Variants in IGF1R observed in about 807,000 individuals in gnomAD.
IGF1R encodes the protein insulin-like growth factor 1 receptor.
IGF1R carries 44 observed loss-of-function variants against 144.6 expected under a neutral mutation model. The ratio of observed to expected loss-of-function variants is 0.30; its 90% CI spans 0.24 to 0.39. The LOEUF (loss-of-function observed/expected upper bound fraction) is 0.39, where lower values mean the gene tolerates loss of function less well. IGF1R is among the 10% of genes least tolerant of loss of function. The probability of loss-of-function intolerance (pLI) is 1.00; values close to 1 mark genes in which losing one functional copy is unlikely to be tolerated. For synonymous variants in IGF1R, 795 were observed against 722.8 expected, an observed-to-expected ratio of 1.10 and a Z score of -1.60; for missense variants, 1,355 against 1,833.7, an observed-to-expected ratio of 0.74 and a Z score of 4.77.
intron 2 of IGF1R, among the ~76,000 whole-genome samples, chr15:98,809,978 C>T (rs955871159): frequency 6.6e-6 from 1 of 152,164 alleles, no homozygotes; most frequent in Non-Finnish European, 1.5e-5. Flanking sequence ...AGCAAACTGA[C>T]CCAGACAGAC....
At chr15:98,868,380 G>GT (rs1491280198) in intron 2 of IGF1R, among the ~76,000 whole-genome samples, 2 of 116,466 alleles carry the variant, frequency 1.7e-5, no homozygotes, top group Non-Finnish European at 3.6e-5. Flanking sequence ...TGGGGGGGGG[G>GT]TCCTTTAGAA....
intron 2 of IGF1R, among the ~76,000 whole-genome samples, chr15:98,828,160 A>G (rs1394022546): frequency 2.0e-5 from 3 of 152,206 alleles, no homozygotes; most frequent in African/African-American, 7.2e-5. Flanking sequence ...AAGACTGCCC[A>G]GTTTGCTTAG....
At chr15:98,868,786 C>T (rs1017069262) in intron 2 of IGF1R, among the ~76,000 whole-genome samples, 1 of 152,164 alleles carries the variant, frequency 6.6e-6, no homozygotes, top group Non-Finnish European at 1.5e-5. Flanking sequence ...GCGCTTAGCA[C>T]GGGTAGCAGT....
Position 98,891,930 on chromosome 15 carries a change from T to C in IGF1R, c.953+293T>C, listed in dbSNP as rs28376778. On this transcript the variant is annotated intron_variant, in intron 3 of 20. Coordinates refer to ENST00000650285, the MANE Select transcript of IGF1R (RefSeq NM_000875.5). The surrounding 1 kb of genome is among the most constrained non-coding windows in gnomAD (Gnocchi z 4.7). ...TTCGATACCCAGAGTTCATAGTCTC[T>C]CTGGGTACTTGCCAAGCTGCCATCT... Among the ~76,000 whole-genome samples, 6,768 of 152,280 alleles carry C rather than the reference T, an allele frequency of 0.044. 480 individuals carry two copies. Among genetic ancestry groups the C allele is most frequent in the African/African-American group, 0.15 (6,386 of 41,528 alleles).
intron 2 of IGF1R, among the ~76,000 whole-genome samples, chr15:98,861,165 T>C (rs1466043634): frequency 6.6e-6 from 1 of 152,106 alleles, no homozygotes. Context: ...AACTCAGTAG[T>C]GAAAAAACAA....
At chr15:98,807,000 A>T (rs2056486327) in intron 2 of IGF1R, among the ~76,000 whole-genome samples, 1 of 151,994 alleles carries the variant, frequency 6.6e-6, no homozygotes, top group African/African-American at 2.4e-5. Context: ...GTCTCAAAAG[A>T]AAAAAAAGAA....
At chr15:98,664,435 T>C (rs2141183005) in intron 1 of IGF1R, among the ~76,000 whole-genome samples, 1 of 152,006 alleles carries the variant, frequency 6.6e-6, no homozygotes, top group Admixed American at 6.6e-5. Flanking sequence ...GAGGCCGAGG[T>C]GAGCGGATCA....
intron 2 of IGF1R, among the ~76,000 whole-genome samples, chr15:98,771,720 G>T (rs1353933874): frequency 7.6e-6 from 1 of 131,224 alleles, no homozygotes; most frequent in African/African-American, 2.7e-5. Flanking sequence ...ACATTTTCAT[G>T]TTCAAATGAA....
intron 2 of IGF1R, among the ~76,000 whole-genome samples, chr15:98,858,648 C>T (rs1219565102): frequency 1.3e-5 from 2 of 152,210 alleles, no homozygotes; most frequent in Non-Finnish European, 2.9e-5. Flanking sequence ...ACAGACTCCA[C>T]CTTTCAGGAT....
At position 98,685,751 on chromosome 15, in the gene IGF1R, G is replaced by A. The variant is rs150518947; in HGVS notation, c.95-21811G>A. On this transcript the variant is annotated intron_variant, in intron 1 of 20. Coordinates refer to ENST00000650285, the MANE Select transcript of IGF1R (RefSeq NM_000875.5). ...TTCCAGTATTCAGGTCTAGCGGCAG[G>A]TCCCAGGCATCAGCGGCTCACCACT... 1.4e-3 allele frequency among the ~76,000 whole-genome samples: 219 copies of A among 152,306 alleles called. 1 individual carries two copies. Among genetic ancestry groups the A allele is most frequent in the African/African-American group, 5.1e-3 (210 of 41,546 alleles).
chr15:98,688,086 C>T (rs549062193), intron 1 of IGF1R, among the ~76,000 whole-genome samples: 12 of 152,182 alleles, frequency 7.9e-5, no homozygotes, highest in African/African-American at 2.9e-4. Flanking sequence ...TGATTGAGGC[C>T]CCCTGCCTGC....
intron 1 of IGF1R, among the ~76,000 whole-genome samples, chr15:98,684,734 CTG>C (rs752961756): frequency 3.3e-5 from 5 of 152,034 alleles, no homozygotes; most frequent in Admixed American, 2.0e-4. Flanking sequence ...CATCGGGAGA[CTG>C]TGTGCTGAGA....
chr15:98,675,330 T>A (rs991270827), intron 1 of IGF1R, among the ~76,000 whole-genome samples: 1 of 152,166 alleles, frequency 6.6e-6, no homozygotes, highest in East Asian at 1.9e-4. Context: ...GTGATAAAAT[T>A]ATTGTGTATT....
In IGF1R at chr15:98,747,431, G is replaced by A. The variant is rs563392963; in HGVS notation, c.640+39324G>A. On this transcript the variant is annotated intron_variant, in intron 2 of 20. Coordinates refer to ENST00000650285, the MANE Select transcript of IGF1R (RefSeq NM_000875.5). The stretch of plus-strand genomic sequence containing the variant: ...CTGGCTGGTCTCGAACTCCTGACCT[G>A]GTGATCCGCCCGCCTCGGCCTCCCA... Among the ~76,000 whole-genome samples, 37 of 152,170 alleles carry A rather than the reference G, an allele frequency of 2.4e-4. No individual in the cohort carries two copies. In the South Asian group the frequency reaches 7.1e-3, roughly 29 times the overall value.
chr15:98,695,425 T>TA (rs1332443246), intron 1 of IGF1R, among the ~76,000 whole-genome samples: 1 of 152,178 alleles, frequency 6.6e-6, no homozygotes, highest in East Asian at 1.9e-4. Flanking sequence ...CACCTGGCTG[T>TA]AGCATCCTTG....
intron 2 of IGF1R, among the ~76,000 whole-genome samples, chr15:98,859,628 A>G (rs1437320960): frequency 6.6e-6 from 1 of 152,224 alleles, no homozygotes; most frequent in Non-Finnish European, 1.5e-5. Flanking sequence ...GGTTTTTGCA[A>G]GCTTGTGCAT....
chr15:98,665,332 CCT>C (rs1259444038), intron 1 of IGF1R, among the ~76,000 whole-genome samples: 2 of 152,150 alleles, frequency 1.3e-5, no homozygotes, highest in African/African-American at 4.8e-5. Flanking sequence ...CTTTTCTGTC[CCT>C]GTCTCCCTCC....
At chr15:98,731,946 T>C (rs978269078) in intron 2 of IGF1R, among the ~76,000 whole-genome samples, 1 of 152,146 alleles carries the variant, frequency 6.6e-6, no homozygotes, top group African/African-American at 2.4e-5. Context: ...TTGAGACCAG[T>C]TGGATTCCTC....
chr15:98,658,781 T>C (rs1379492504), intron 1 of IGF1R, among the ~76,000 whole-genome samples: 1 of 152,232 alleles, frequency 6.6e-6, no homozygotes, highest in African/African-American at 2.4e-5. Flanking sequence ...TTTTGCTGGT[T>C]GACAGTGATT....
Sources: allele counts gnomAD v4.1 joint callset (sites outside exome capture counted in the v4.1 genomes callset), GRCh38; gene constraint gnomAD v4.1.1; non-coding constraint Gnocchi (gnomAD v3.1); transcripts MANE v1.5; gene names NCBI Gene and HGNC (gene_info 2026-07-23, HGNC 2026-07-21).